USH2A: variants seen among roughly 807,000 people sequenced by gnomAD.
USH2A encodes the protein Usher syndrome 2A (autosomal recessive, mild).
A neutral mutation model predicts 538.9 loss-of-function variants in USH2A; 443 were observed. That is an observed-to-expected ratio of 0.82 (90% CI 0.76 to 0.89). The LOEUF (loss-of-function observed/expected upper bound fraction) is 0.89, where lower values mean the gene tolerates loss of function less well. Among genes scored for constraint, USH2A ranks in the 40% least tolerant of loss-of-function variants. The pLI, the probability that USH2A is intolerant of heterozygous loss-of-function variation, is 0.00. For synonymous variants in USH2A, 2,413 were observed against 2,273.5 expected (o/e 1.06, Z -1.75); for missense variants, 6,633 against 6,324.8 (o/e 1.05, Z -1.65).
At chr1:215,689,976 T>C (rs1006432791) in intron 61 of USH2A, among the ~76,000 whole-genome samples, 6 of 152,212 alleles carry the variant, frequency 3.9e-5, no homozygotes, top group African/African-American at 1.4e-4. Context: ...ATAGCAGTAA[T>C]ATATCTTCTC....
At chr1:215,996,458 T>C (rs1668139653) in intron 34 of USH2A, among the ~76,000 whole-genome samples, 2 of 152,018 alleles carry the variant, frequency 1.3e-5, no homozygotes, top group Non-Finnish European at 2.9e-5. Flanking sequence ...TCTGTATTAA[T>C]AGCTTCTTTA....
At chr1:216,107,830 AG>A (rs1558262275) in intron 21 of USH2A, among the ~76,000 whole-genome samples, 1 of 151,714 alleles carries the variant, frequency 6.6e-6, no homozygotes, top group East Asian at 1.9e-4. Context: ...TGGCTCTCTA[AG>A]GATCATCATA....
chr1:216,393,340 A>C (rs771489490), intron 3 of USH2A, among the ~76,000 whole-genome samples: 3 of 152,362 alleles, frequency 2.0e-5, no homozygotes, highest in Non-Finnish European at 2.9e-5. Context: ...ATGAATTGAA[A>C]TTTAATCAAG....
rs1054755782 is a variant in USH2A, at chr1:215,824,342, T to G, written c.9372-7147A>C. Reference sequence around the variant, plus strand: ...TGTTTGCATAGAGATTCTTTGTAATTTTTCTGTTCATTTTCTTTCATTTTT... The same window carrying G: ...TGTTTGCATAGAGATTCTTTGTAATGTTTCTGTTCATTTTCTTTCATTTTT... On this transcript the variant is annotated intron_variant, in intron 47 of 71. Coordinates refer to ENST00000307340, the MANE Select transcript of USH2A (RefSeq NM_206933.4). 4.6e-5 allele frequency among the ~76,000 whole-genome samples: 7 copies of G among 152,154 alleles called. No individual in the cohort carries two copies. The South Asian group carries it at 6.2e-4, about 14-fold the overall frequency.
intron 21 of USH2A, among the ~76,000 whole-genome samples, chr1:216,148,088 A>G (rs1424487468): frequency 1.9e-4 from 28 of 150,868 alleles, no homozygotes; most frequent in Middle Eastern, 6.8e-3. Flanking sequence ...AACTCTCACA[A>G]TGGAAGGTAA....
chr1:216,057,136 CTT>C (rs888691708), intron 30 of USH2A, among the ~76,000 whole-genome samples: 1 of 149,978 alleles, frequency 6.7e-6, no homozygotes, highest in Non-Finnish European at 1.5e-5. Context: ...AAATGAAAAA[CTT>C]TTTTTTTTAA....
At chr1:216,354,556 A>G (rs1281270494) in intron 4 of USH2A, among the ~76,000 whole-genome samples, 1 of 152,212 alleles carries the variant, frequency 6.6e-6, no homozygotes, top group East Asian at 1.9e-4. Flanking sequence ...AAACGGCCAA[A>G]TGAAAATACT....
intron 46 of USH2A, among the ~76,000 whole-genome samples, chr1:215,841,223 G>A (rs1663667903): frequency 6.6e-6 from 1 of 152,110 alleles, no homozygotes; most frequent in Non-Finnish European, 1.5e-5. Flanking sequence ...CCAAAAAAGA[G>A]CCTGTATAGC....
chr1:215,689,969 G>A (rs1294446486), intron 61 of USH2A, among the ~76,000 whole-genome samples: 1 of 152,166 alleles, frequency 6.6e-6, no homozygotes. Flanking sequence ...GTTATATATA[G>A]CAGTAATATA....
At chr1:215,649,568 A>T (rs1390815756) in intron 65 of USH2A, among the ~76,000 whole-genome samples, 1 of 152,166 alleles carries the variant, frequency 6.6e-6, no homozygotes, top group Non-Finnish European at 1.5e-5. Context: ...TTGTATTTAC[A>T]TCATCTATAT....
At chr1:216,022,267 T>A (rs932496105) in intron 32 of USH2A, among the ~76,000 whole-genome samples, 7 of 152,150 alleles carry the variant, frequency 4.6e-5, no homozygotes, top group Non-Finnish European at 1.0e-4. Flanking sequence ...ACCAGCAGCA[T>A]ACTGCCATTA....
At chr1:215,964,144 G>A (rs990558214) in intron 37 of USH2A, among the ~76,000 whole-genome samples, 1 of 152,058 alleles carries the variant, frequency 6.6e-6, no homozygotes, top group Non-Finnish European at 1.5e-5. Context: ...AAACACGAGG[G>A]GGAATATGGC....
intron 21 of USH2A, among the ~76,000 whole-genome samples, chr1:216,162,470 C>T (rs939901510): frequency 6.6e-6 from 1 of 152,036 alleles, no homozygotes; most frequent in Non-Finnish European, 1.5e-5. Context: ...CCTCTATCGA[C>T]TATTAACATT....
At position 216,277,216 on chromosome 1, in the gene USH2A, A is replaced by G. The variant is rs2036686909; in HGVS notation, c.1971+12064T>C. On this transcript the variant is annotated intron_variant, in intron 11 of 71. Transcript: ENST00000307340. Reference sequence around the variant, plus strand: ...ATGCAATTAATGCTCTTTATGCTTAATTGCTCTCCCAGCCCCCTCCTCTGG... The same window carrying G: ...ATGCAATTAATGCTCTTTATGCTTAGTTGCTCTCCCAGCCCCCTCCTCTGG... Among the ~76,000 whole-genome samples the G allele has an allele frequency of 2.0e-5, 3 of 152,204 alleles. No homozygotes were observed. In the South Asian group the frequency reaches 6.2e-4, roughly 32 times the overall value.
At chr1:216,037,141 T>G (rs2102516582) in intron 32 of USH2A, among the ~76,000 whole-genome samples, 1 of 152,092 alleles carries the variant, frequency 6.6e-6, no homozygotes, top group South Asian at 2.1e-4. Context: ...TTTTTTAAGA[T>G]TAGGAAACGA....
rs2102821684 is a variant in USH2A at position 215,844,285 on chromosome 1, T to C, written c.9258+9A>G. ...CATAAGCCTAACCATCAAAAAACAA[T>C]GTTCTAACCTGAATGTCATAGATAG... On this transcript the variant is annotated intron_variant, in intron 46 of 71. Transcript: ENST00000307340. The C allele has an allele frequency of 6.2e-7, 1 of 1,613,098 alleles. No individual in the cohort carries two copies. The highest frequency in any genetic ancestry group is 1.7e-5 in the Admixed American group (1 of 59,888).
chr1:216,121,204 G>T (rs2033131766), intron 21 of USH2A, among the ~76,000 whole-genome samples: 1 of 140,080 alleles, frequency 7.1e-6, no homozygotes, highest in African/African-American at 2.5e-5. Flanking sequence ...ATTTAAAATT[G>T]TTTCCAATGT....
At chr1:215,847,890 A>G (rs948670836) in intron 44 of USH2A, among the ~76,000 whole-genome samples, 1 of 152,132 alleles carries the variant, frequency 6.6e-6, no homozygotes, top group African/African-American at 2.4e-5. Flanking sequence ...TTTCCTAAAT[A>G]CACTACTGCT....
At position 216,078,322 on chromosome 1, in the gene USH2A, G is replaced by A. The variant is rs1430931231; in HGVS notation, c.5339C>T (p.Thr1780Ile). ...KSGILTFRLN[T>I]SLAFTQVDLL... ...ATCCACTTGTGTAAAGGCAAGACTG[G>A]TATTTAACCGGAAGGTCAATATTCC... Residue 1780 changes from threonine (T) to isoleucine (I), a missense_variant, in exon 27 of 72, where the codon ACC (threonine) becomes ATC (isoleucine). Thr to Ile is a moderately conservative substitution (Grantham distance 89, BLOSUM62 -1). Transcript: ENST00000307340. 10 of 1,613,526 alleles carry A rather than the reference G, an allele frequency of 6.2e-6. No individual in the cohort carries two copies. The highest frequency in any genetic ancestry group is 2.7e-5 in the African/African-American group (2 of 74,872).
Sources: allele counts gnomAD v4.1 joint callset (sites outside exome capture counted in the v4.1 genomes callset), GRCh38; gene constraint gnomAD v4.1.1; transcripts MANE v1.5; gene names NCBI Gene and HGNC (gene_info 2026-07-23, HGNC 2026-07-21).